The following RRM1 variants were observed in gnomAD, a reference collection of about 807,000 sequenced individuals.
The protein encoded by RRM1 is ribonucleoside-diphosphate reductase large subunit.
RRM1 carries 19 observed loss-of-function variants against 101.5 expected under a neutral mutation model. That is an observed-to-expected ratio of 0.19 (90% CI 0.13 to 0.27). The LOEUF (loss-of-function observed/expected upper bound fraction) is 0.27, where lower values mean the gene tolerates loss of function less well. Ranked by LOEUF, RRM1 falls within the 10% of genes least tolerant of loss-of-function variation. The pLI is 1.00. For missense variants in RRM1, 500 were observed against 962.9 expected, an observed-to-expected ratio of 0.52 and a Z score of 6.36; for synonymous variants, 298 against 323.4, an observed-to-expected ratio of 0.92 and a Z score of 0.84.
At chr11:4,108,768 A>G (rs1001679472) in intron 4 of RRM1, among the ~76,000 whole-genome samples, 2 of 152,166 alleles carry the variant, frequency 1.3e-5, no homozygotes, top group Admixed American at 6.5e-5. Context: ...ACCTGTGTCT[A>G]AAAATATACC....
intron 5 of RRM1, 27 bp downstream of exon 5, chr11:4,109,730 G>T: frequency 6.6e-7 from 1 of 1,505,656 alleles, no homozygotes; most frequent in Non-Finnish European, 9.1e-7. Context: ...AAGTATGTGG[G>T]AATTTATACT....
chr11:4,136,679 A>G lies in RRM1; in HGVS notation c.2190+1409A>G, dbSNP rs575561360. Among the ~76,000 whole-genome samples, 5 of 151,812 alleles carry G rather than the reference A, an allele frequency of 3.3e-5. No individual in the cohort carries two copies. In the South Asian group the frequency reaches 8.3e-4, roughly 25 times the overall value. On this transcript the variant is annotated intron_variant, in intron 18 of 18. Transcript: ENST00000300738. ...TAGCTGAAATTTATAGGCATGTACT[A>G]CCCCTCTTGGGGGATTACAGGCATG...
rs376581575 is a variant in RRM1, at chr11:4,111,815, G to C, written c.488-85G>C. 2.8e-4 allele frequency: 375 copies of C among 1,351,426 alleles called. 3 individuals carry two copies. In the South Asian group the frequency reaches 5.0e-3, roughly 18 times the overall value. The allele number at this position is 1,351,426 out of a possible 1,614,324, so 83.7% of individuals were successfully genotyped here. A position where few individuals can be genotyped will look rare whatever the true frequency, so the allele number is the denominator to read the frequency against. ...TATAAAGTTTTTCTAGTTTCCTTTT[G>C]GTGTCCTTTTCTGAAATTCAAATAC... On this transcript the variant is annotated intron_variant, in intron 6 of 18. Transcript: ENST00000300738.
At chr11:4,122,260 CATGG>C in intron 11 of RRM1, 40 bp downstream of exon 11, 2 of 1,381,068 alleles carry the variant, frequency 1.4e-6, no homozygotes, top group Non-Finnish European at 2.0e-6. Context: ...ATGTTTTAAT[CATGG>C]TTTCTCTTAT....
chr11:4,112,889 G>A (rs1453230457), intron 7 of RRM1, among the ~76,000 whole-genome samples: 1 of 152,104 alleles, frequency 6.6e-6, no homozygotes, highest in Non-Finnish European at 1.5e-5. Flanking sequence ...ATCACTTGAG[G>A]TCAGAAGTTC....
intron 12 of RRM1, 56 bp downstream of exon 12, chr11:4,123,440 A>C (rs760976240): frequency 1.5e-6 from 2 of 1,371,252 alleles, no homozygotes; most frequent in Non-Finnish European, 2.1e-6. Flanking sequence ...GGCAGTTATT[A>C]TTTGTGAATT....
At chr11:4,109,050 A>G (rs924608670) in intron 4 of RRM1, among the ~76,000 whole-genome samples, 6 of 152,174 alleles carry the variant, frequency 3.9e-5, no homozygotes, top group African/African-American at 1.2e-4. Context: ...TGTAACAAGG[A>G]CCAGTTATGC....
chr11:4,128,794 AAG>A (rs1296547803), intron 14 of RRM1, among the ~76,000 whole-genome samples: 1 of 152,206 alleles, frequency 6.6e-6, no homozygotes, highest in Non-Finnish European at 1.5e-5. Context: ...GTGTTAAAAA[AAG>A]AGAATGTGTC....
At chr11:4,136,849 A>G (rs61899663) in intron 18 of RRM1, among the ~76,000 whole-genome samples, 1 of 151,680 alleles carries the variant, frequency 6.6e-6, no homozygotes, top group Non-Finnish European at 1.5e-5. Context: ...GGACAATAGT[A>G]GAGGGAGGGT....
intron 1 of RRM1, among the ~76,000 whole-genome samples, chr11:4,096,157 C>G (rs557128782): frequency 6.6e-6 from 1 of 152,274 alleles, no homozygotes; most frequent in Non-Finnish European, 1.5e-5. Flanking sequence ...TCTCAAGTAG[C>G]TGGGACTATA....
chr11:4,112,427 G>A (rs570182010), intron 7 of RRM1, among the ~76,000 whole-genome samples: 130 of 152,092 alleles, frequency 8.5e-4, no homozygotes, highest in Middle Eastern at 3.4e-3. Context: ...GCAGTGTTGC[G>A]ATCTTGGCTC....
At chr11:4,118,665 C>G (rs771790471) in intron 8 of RRM1, among the ~76,000 whole-genome samples, 9 of 152,084 alleles carry the variant, frequency 5.9e-5, no homozygotes, top group Non-Finnish European at 1.3e-4. Flanking sequence ...TAGATAATCT[C>G]TAGAATCCTT....
chr11:4,138,143 T>C (rs1178654135), intron 18 of RRM1, 52 bp from the exon 19 acceptor site: 8 of 1,031,426 alleles, frequency 7.8e-6, no homozygotes, highest in Non-Finnish European at 1.2e-5. Flanking sequence ...GTGTGGAATG[T>C]CTAGTATTCT....
Position 4,123,393 on chromosome 11 carries a change from A to G in RRM1, c.1320+9A>G. On this transcript the variant is annotated intron_variant, in intron 12 of 18. Transcript: ENST00000300738. Reference sequence around the variant, plus strand: ...ACACCAGCAAAGATGAGGTAGGTAGAAAAAATTCTTCCTAGAGTACTAAGA... The same window carrying G: ...ACACCAGCAAAGATGAGGTAGGTAGGAAAAATTCTTCCTAGAGTACTAAGA... 1 of 1,611,190 alleles carries G rather than the reference A, an allele frequency of 6.2e-7. No individual in the cohort carries two copies. Among genetic ancestry groups the G allele is most frequent in the East Asian group, 2.2e-5 (1 of 44,858 alleles).
At chr11:4,115,113 A>G (rs1379642467) in intron 7 of RRM1, among the ~76,000 whole-genome samples, 1 of 152,232 alleles carries the variant, frequency 6.6e-6, no homozygotes, top group Non-Finnish European at 1.5e-5. Flanking sequence ...GTTTTTCCCA[A>G]GTTAAAATAT....
At chr11:4,099,148 T>C (rs2094547376) in intron 1 of RRM1, among the ~76,000 whole-genome samples, 1 of 152,110 alleles carries the variant, frequency 6.6e-6, no homozygotes, top group South Asian at 2.1e-4. Flanking sequence ...TTTAATTTTA[T>C]TTTTTATTTT....
chr11:4,128,146 C>T (rs2094592910), intron 14 of RRM1, among the ~76,000 whole-genome samples: 1 of 150,708 alleles, frequency 6.6e-6, no homozygotes, highest in African/African-American at 2.5e-5. Context: ...ATGTCCTCAC[C>T]ACCCCCCTGT....
Position 4,132,225 on chromosome 11 carries a change from A to G in RRM1, c.1770-61A>G. 6.5e-7 allele frequency: 1 copy of G among 1,529,666 alleles called. No individual in the cohort carries two copies. Among genetic ancestry groups the G allele is most frequent in the Non-Finnish European group, 9.1e-7 (1 of 1,104,942 alleles). 94.8% of individuals were successfully genotyped at this position (1,529,666 alleles called of 1,614,324 possible). ...TACATTTACTACAGTGACTTAAAGT[A>G]GCTGCTTTCCTGGCAGATTGTAGCT... On this transcript the variant is annotated intron_variant, in intron 15 of 18. Coordinates refer to ENST00000300738, the MANE Select transcript of RRM1 (RefSeq NM_001033.5). The surrounding 1 kb of genome is among the most constrained non-coding windows in gnomAD (Gnocchi z 4.1).
At chr11:4,129,310 G>A (rs1011634866) in intron 15 of RRM1, among the ~76,000 whole-genome samples, 160 bp downstream of exon 15, 4 of 152,038 alleles carry the variant, frequency 2.6e-5, no homozygotes, top group South Asian at 2.1e-4. Flanking sequence ...AAAAAACTTC[G>A]TAAGATAATA....
Sources: allele counts gnomAD v4.1 joint callset (sites outside exome capture counted in the v4.1 genomes callset), GRCh38; gene constraint gnomAD v4.1.1; non-coding constraint Gnocchi (gnomAD v3.1); transcripts MANE v1.5; gene names NCBI Gene and HGNC (gene_info 2026-07-23, HGNC 2026-07-21).